PAMR1: variants seen among roughly 807,000 people sequenced by gnomAD.
PAMR1 encodes peptidase domain containing associated with muscle regeneration 1.
PAMR1 carries 88 observed loss-of-function variants against 81.8 expected under a neutral mutation model. That is an observed-to-expected ratio of 1.08 (90% confidence interval 0.91 to 1.28). The LOEUF is 1.28. Ranked by LOEUF, PAMR1 falls within the 50% of genes most tolerant of loss-of-function variation. PAMR1 has a pLI of 0.00. For missense variants in PAMR1, 935 were observed against 919.7 expected, an observed-to-expected ratio of 1.02 and a Z score of -0.21; for synonymous variants, 336 against 345.3, an observed-to-expected ratio of 0.97 and a Z score of 0.30.
At chr11:35,486,323 T>TTA (rs1850505524) in intron 3 of PAMR1, among the ~76,000 whole-genome samples, 1 of 152,184 alleles carries the variant, frequency 6.6e-6, no homozygotes, top group Non-Finnish European at 1.5e-5. Context: ...GACCATTAGT[T>TTA]TGTTTTTTCA....
intron 6 of PAMR1, among the ~76,000 whole-genome samples, chr11:35,457,919 T>C (rs1390264881): frequency 3.3e-5 from 5 of 152,144 alleles, no homozygotes; most frequent in Non-Finnish European, 7.4e-5. Flanking sequence ...TGTTGAAGGA[T>C]GATGAGATGA....
chr11:35,489,918 C>T (rs1280787545), intron 3 of PAMR1, among the ~76,000 whole-genome samples: 2 of 152,234 alleles, frequency 1.3e-5, no homozygotes, highest in East Asian at 1.9e-4. Flanking sequence ...AAATTCCTTA[C>T]CTAGCTTACC....
Position 35,434,606 on chromosome 11 carries a change from T to C in PAMR1, c.1532A>G (p.Lys511Arg). 1 of 1,614,074 alleles carries C rather than the reference T, an allele frequency of 6.2e-7. No homozygotes were observed. Among genetic ancestry groups the C allele is most frequent in the Non-Finnish European group, 8.5e-7 (1 of 1,180,002 alleles). Residue 511 changes from lysine to arginine, a missense_variant, in exon 10 of 11, where the codon AAG becomes AGG. By Grantham distance (26) the Lys-to-Arg change is conservative. Transcript: ENST00000619888. The stretch of plus-strand genomic sequence containing the variant: ...GTCTGCTGTCTTGATCATGGTGACC[T>C]TCCCCAGGTCAGTAACACAGTGGGC... ...VAAHCVTDLG[K>R]VTMIKTADLK...
Position 35,434,626 on chromosome 11 carries a change from G to A in PAMR1, c.1512C>T (p.His504=). Reference sequence around the variant, plus strand: ...TGACCTTCCCCAGGTCAGTAACACAGTGGGCAGCCACCACCACAGTGCGCT... The same window carrying A: ...TGACCTTCCCCAGGTCAGTAACACAATGGGCAGCCACCACCACAGTGCGCT... The part of the protein sequence containing the change: ...VNERTVVVAA[H]CVTDLGKVTM... The change falls in exon 10 of 11, where the codon CAC becomes CAT. Residue 504 remains histidine, a synonymous_variant. Coordinates refer to ENST00000619888, the MANE Select transcript of PAMR1 (RefSeq NM_001001991.3). 1 of 1,614,090 alleles carries A rather than the reference G, an allele frequency of 6.2e-7. No homozygotes were observed. The highest frequency in any genetic ancestry group is 8.5e-7 in the Non-Finnish European group (1 of 1,180,028).
intron 6 of PAMR1, among the ~76,000 whole-genome samples, chr11:35,462,613 A>G (rs185475796): frequency 7.6e-4 from 116 of 152,270 alleles, no homozygotes; most frequent in African/African-American, 2.6e-3. Flanking sequence ...TTTCTGCCAT[A>G]CTTTTAAATG....
chr11:35,524,027 A>C (rs1354232995), intron 1 of PAMR1, among the ~76,000 whole-genome samples: 1 of 152,150 alleles, frequency 6.6e-6, no homozygotes, highest in Non-Finnish European at 1.5e-5. Context: ...ACGCTGATGT[A>C]ACCCTGAGGA....
intron 3 of PAMR1, among the ~76,000 whole-genome samples, chr11:35,490,665 C>A (rs185945622): frequency 6.6e-6 from 1 of 152,236 alleles, no homozygotes; most frequent in African/African-American, 2.4e-5. Flanking sequence ...AGTTTTATTT[C>A]TGAATCACCT....
intron 1 of PAMR1, among the ~76,000 whole-genome samples, chr11:35,506,162 A>G (rs1472077761): frequency 6.6e-6 from 1 of 151,142 alleles, no homozygotes; most frequent in Non-Finnish European, 1.5e-5. Flanking sequence ...AAAAAATTCT[A>G]CAATTTAATT....
intron 6 of PAMR1, among the ~76,000 whole-genome samples, chr11:35,449,805 G>A (rs538544020): frequency 6.6e-6 from 1 of 152,320 alleles, no homozygotes; most frequent in South Asian, 2.1e-4. Context: ...CCCTGGCAGG[G>A]TAGCACATCA....
chr11:35,463,483 C>A lies in PAMR1; in HGVS notation c.820+4518G>T, dbSNP rs377257046. Among the ~76,000 whole-genome samples, 11 of 152,330 alleles carry A rather than the reference C, an allele frequency of 7.2e-5. No homozygotes were observed. In the South Asian group the frequency reaches 2.3e-3, roughly 32 times the overall value. ...TGGAAATTAGAGCAGGACGATGAAT[C>A]CCTTGCTCTCCACTTTTTCAAAACA... On this transcript the variant is annotated intron_variant, in intron 6 of 10. Transcript: ENST00000619888.
chr11:35,463,997 T>C (rs1450226957), intron 6 of PAMR1, among the ~76,000 whole-genome samples: 1 of 152,202 alleles, frequency 6.6e-6, no homozygotes, highest in Non-Finnish European at 1.5e-5. Context: ...AAGTCTTATT[T>C]TGAGGACAGG....
intron 2 of PAMR1, among the ~76,000 whole-genome samples, chr11:35,493,494 G>C (rs1020182111): frequency 1.3e-5 from 2 of 151,888 alleles, no homozygotes; most frequent in Admixed American, 1.3e-4. Flanking sequence ...TCTCCTGCCG[G>C]ACTGTGCTAG....
At chr11:35,472,070 G>A (rs1203123622) in intron 4 of PAMR1, among the ~76,000 whole-genome samples, 2 of 152,202 alleles carry the variant, frequency 1.3e-5, no homozygotes, top group Non-Finnish European at 2.9e-5. Flanking sequence ...TTTCATCAGT[G>A]TTTACTTCAC....
chr11:35,472,622 C>T (rs1197358991), intron 4 of PAMR1, among the ~76,000 whole-genome samples: 2 of 152,190 alleles, frequency 1.3e-5, no homozygotes, highest in African/African-American at 4.8e-5. Context: ...GAAGCCCCCT[C>T]TGAGGATGTG....
chr11:35,435,962 C>A lies in PAMR1; in HGVS notation c.1274G>T (p.Ser425Ile), dbSNP rs1423864166. ...ISPFYRRLGSSRRTCLRTGKW... is the reference protein window; with the variant it reads ...ISPFYRRLGSIRRTCLRTGKW... ...CCCAGTCCTCAGACATGTCCTCCTG[C>A]TGCTGCCCAGGCGGCGGTAGAAGGG... Residue 425 changes from serine (S) to isoleucine (I), a missense_variant, in exon 9 of 11, where the codon AGC becomes ATC. By Grantham distance (142) the Ser-to-Ile change is moderately radical. Coordinates refer to ENST00000619888, the MANE Select transcript of PAMR1 (RefSeq NM_001001991.3). 1.2e-6 allele frequency: 2 copies of A among 1,614,234 alleles called. No individual in the cohort carries two copies. Among genetic ancestry groups the A allele is most frequent in the Middle Eastern group, 1.6e-4 (1 of 6,062 alleles).
chr11:35,497,693 C>G (rs1850752803), intron 1 of PAMR1, among the ~76,000 whole-genome samples: 1 of 152,096 alleles, frequency 6.6e-6, no homozygotes, highest in South Asian at 2.1e-4. Context: ...TGTCCATAAA[C>G]CCTAAGACCA....
intron 6 of PAMR1, among the ~76,000 whole-genome samples, chr11:35,466,499 G>A (rs759289668): frequency 2.6e-5 from 4 of 151,998 alleles, no homozygotes; most frequent in South Asian, 2.1e-4. Flanking sequence ...AGGCCGAGGC[G>A]GGTGGATCAC....
In PAMR1 at chr11:35,519,002, C is replaced by G. The variant is rs549157897; in HGVS notation, c.73+6511G>C. ...ACTTACAGAGATGCTTGCTGCCAAA[C>G]CACTAACTCAACCCTCTGAGACAGC... is the stretch of plus-strand genomic sequence containing the variant. On this transcript the variant is annotated intron_variant, in intron 1 of 10. Coordinates refer to ENST00000619888, the MANE Select transcript of PAMR1 (RefSeq NM_001001991.3). Among the ~76,000 whole-genome samples the G allele has an allele frequency of 4.5e-4, 68 of 152,302 alleles. 1 individual carries two copies. In the South Asian group the frequency reaches 0.013, roughly 29 times the overall value.
At chr11:35,444,130 C>T (rs1349098473) in intron 6 of PAMR1, among the ~76,000 whole-genome samples, 1 of 152,224 alleles carries the variant, frequency 6.6e-6, no homozygotes, top group Non-Finnish European at 1.5e-5. Context: ...CAGCATGGTA[C>T]TGGTACAAAA....
Sources: allele counts gnomAD v4.1 joint callset (sites outside exome capture counted in the v4.1 genomes callset), GRCh38; gene constraint gnomAD v4.1.1; transcripts MANE v1.5; gene names NCBI Gene and HGNC (gene_info 2026-07-23, HGNC 2026-07-21).